Variants in RASA3 observed in about 807,000 individuals in gnomAD.
RASA3 encodes the protein RAS p21 protein activator 3, also known as ras GTPase-activating protein 3.
RASA3 carries 73 observed loss-of-function variants against 110.0 expected under a neutral mutation model. The observed-to-expected ratio is 0.66, with a 90% CI of 0.55 to 0.81. The LOEUF is 0.81. Among genes scored for constraint, RASA3 ranks in the 30% least tolerant of loss-of-function variants. The pLI is 0.00. For missense variants in RASA3, 976 were observed against 1,113.2 expected, an observed-to-expected ratio of 0.88 and a Z score of 1.75; for synonymous variants, 500 against 451.4, an observed-to-expected ratio of 1.11 and a Z score of -1.37.
At chr13:114,012,726 C>T (rs2053665872) in intron 15 of RASA3, among the ~76,000 whole-genome samples, 2 of 142,174 alleles carry the variant, frequency 1.4e-5, no homozygotes, top group South Asian at 2.3e-4. Context: ...CCCCATTCCA[C>T]ACACACTCCC....
chr13:114,066,390 A>G (rs984387206), intron 2 of RASA3, among the ~76,000 whole-genome samples: 36 of 152,294 alleles, frequency 2.4e-4, no homozygotes, highest in African/African-American at 8.4e-4. Context: ...AGAGAGGGCC[A>G]GCGGCCGAGG....
At chr13:114,113,048 C>G (rs1372787490) in intron 1 of RASA3, among the ~76,000 whole-genome samples, 1 of 152,162 alleles carries the variant, frequency 6.6e-6, no homozygotes, top group African/African-American at 2.4e-5. Flanking sequence ...GCACGGGAAG[C>G]CTTTCCCGAC....
intron 20 of RASA3, among the ~76,000 whole-genome samples, chr13:113,999,039 GTGTGACTGGGGAACGAGGCGA>G (rs1242616724): frequency 5.2e-5 from 2 of 38,538 alleles, no homozygotes; most frequent in East Asian, 1.2e-3. Context: ...GAAGGAACAA[GTGTGACTGGGGAACGAGGCGA>G]CATGTGGGTC....
At chr13:113,981,526 G>A (rs2052933390) in intron 23 of RASA3, 149 bp downstream of exon 23, 5 of 865,864 alleles carry the variant, frequency 5.8e-6, no homozygotes, top group African/African-American at 1.7e-5. Flanking sequence ...CTACCGCCAG[G>A]TGCCAGCCCG....
At chr13:114,131,106 G>A (rs1445976643) in intron 1 of RASA3, among the ~76,000 whole-genome samples, 1 of 152,240 alleles carries the variant, frequency 6.6e-6, no homozygotes, top group Non-Finnish European at 1.5e-5. Context: ...TAGCTGCAGC[G>A]CTTCTGGGCC....
intron 1 of RASA3, among the ~76,000 whole-genome samples, chr13:114,126,426 C>T (rs1287123297): frequency 6.6e-6 from 1 of 152,196 alleles, no homozygotes; most frequent in Non-Finnish European, 1.5e-5. Flanking sequence ...CCTGAGACCT[C>T]ACTCTCTCTT....
At chr13:114,128,757 G>A (rs558643862) in intron 1 of RASA3, among the ~76,000 whole-genome samples, 10 of 152,358 alleles carry the variant, frequency 6.6e-5, no homozygotes, top group Admixed American at 6.5e-4. Flanking sequence ...CAGGCACTGA[G>A]CCCAGAGGAG....
In RASA3 at chr13:114,027,313, T is replaced by C. The variant is rs767222869; in HGVS notation, c.603+76A>G. 340 of 1,241,792 alleles carry C rather than the reference T, an allele frequency of 2.7e-4. 1 individual carries two copies. Among genetic ancestry groups the C allele is most frequent in the Non-Finnish European group, 3.8e-4 (327 of 852,690 alleles). 76.9% of individuals were successfully genotyped at this position (1,241,792 alleles called of 1,614,324 possible). A position where few individuals can be genotyped will look rare whatever the true frequency, so the allele number is the denominator to read the frequency against. On this transcript the variant is annotated intron_variant, in intron 7 of 23. Coordinates refer to ENST00000334062, the MANE Select transcript of RASA3 (RefSeq NM_007368.4). ...TTCCAGAGGGAAGAGACTGAGATCA[T>C]TCTGGATCCAGACTTTCTGCCAACG...
At chr13:114,069,456 TG>T (rs1315884757) in intron 2 of RASA3, among the ~76,000 whole-genome samples, 8 of 42,352 alleles carry the variant, frequency 1.9e-4, no homozygotes, top group South Asian at 1.2e-3. Context: ...CCGGGAGACT[TG>T]GGGGGCTGGG....
Position 114,057,910 on chromosome 13 carries a change from G to A in RASA3, c.174-5755C>T, listed in dbSNP as rs2079271963. On this transcript the variant is annotated intron_variant, in intron 2 of 23. Transcript: ENST00000334062. This position sits in a 1 kb window ranked among gnomAD's most constrained non-coding sequence, Gnocchi z 5.0. Reference sequence around the variant, plus strand: ...AGAGCTGCCATCCTAGCGCACACTGGGTAGATGCAGGTGTTTCCAATGTGC... The same window carrying A: ...AGAGCTGCCATCCTAGCGCACACTGAGTAGATGCAGGTGTTTCCAATGTGC... Among the ~76,000 whole-genome samples, 1 of 152,162 alleles carries A rather than the reference G, an allele frequency of 6.6e-6. No individual in the cohort carries two copies. The highest frequency in any genetic ancestry group is 1.5e-5 in the Non-Finnish European group (1 of 68,026).
chr13:114,035,509 A>G (rs117811840), intron 4 of RASA3: 5,517 of 152,422 alleles, frequency 0.036, 139 homozygotes, highest in Middle Eastern at 0.099. Context: ...TGCCCCCAAA[A>G]CAGAGTTAAT....
At chr13:114,106,924 A>G (rs1319925638) in intron 1 of RASA3, among the ~76,000 whole-genome samples, 1 of 152,266 alleles carries the variant, frequency 6.6e-6, no homozygotes, top group Non-Finnish European at 1.5e-5. Flanking sequence ...ATTACAAAGA[A>G]ATAGATATTC....
At position 114,115,761 on chromosome 13, in the gene RASA3, C is replaced by A. The variant is rs1308495759; in HGVS notation, c.55+16674G>T. ...ATTGCTTCTCAAGGGAAAAGCACAGCCTGGAATGATGAGGAGCCCCCACGC... is the reference window on the plus strand; with the variant it reads ...ATTGCTTCTCAAGGGAAAAGCACAGACTGGAATGATGAGGAGCCCCCACGC... On this transcript the variant is annotated intron_variant, in intron 1 of 23. Coordinates refer to ENST00000334062, the MANE Select transcript of RASA3 (RefSeq NM_007368.4). The surrounding 1 kb of genome is among the most constrained non-coding windows in gnomAD (Gnocchi z 5.0). Among the ~76,000 whole-genome samples, 2 of 152,208 alleles carry A rather than the reference C, an allele frequency of 1.3e-5. No homozygotes were observed. Among genetic ancestry groups the A allele is most frequent in the Admixed American group, 6.5e-5 (1 of 15,284 alleles).
At chr13:114,068,177 G>A (rs765615711) in intron 2 of RASA3, among the ~76,000 whole-genome samples, 1 of 152,230 alleles carries the variant, frequency 6.6e-6, no homozygotes, top group African/African-American at 2.4e-5. Flanking sequence ...AGATGGGCAT[G>A]CAAATGAACC....
chr13:114,028,808 G>GGT (rs2054087988), intron 5 of RASA3, among the ~76,000 whole-genome samples: 1 of 69,452 alleles, frequency 1.4e-5, no homozygotes. Flanking sequence ...GCGTCATCCT[G>GGT]GGGCCAGGAC....
chr13:114,119,362 A>G (rs2080334277), intron 1 of RASA3, among the ~76,000 whole-genome samples: 2 of 152,210 alleles, frequency 1.3e-5, no homozygotes, highest in Non-Finnish European at 2.9e-5. Context: ...CACTGATTCC[A>G]GACGGATGGG....
chr13:113,989,287 CCATCCACCCATTACTCACCCATCTGTT>C (rs1457163482), intron 22 of RASA3, among the ~76,000 whole-genome samples: 16 of 148,544 alleles, frequency 1.1e-4, no homozygotes, highest in Non-Finnish European at 1.3e-4. Context: ...ACCCATCCGT[CCATCCACCCATTACTCACCCATCTGTT>C]CATCCACCCA....
chr13:114,080,603 G>A (rs2079768280), intron 1 of RASA3, among the ~76,000 whole-genome samples: 1 of 151,500 alleles, frequency 6.6e-6, no homozygotes, highest in Non-Finnish European at 1.5e-5. Flanking sequence ...TATGGTGACG[G>A]GGTGGCAGGA....
chr13:114,027,409 C>T lies in RASA3; in HGVS notation c.583G>A (p.Asp195Asn), dbSNP rs774139025. Reference sequence around the variant, plus strand: ...CCAACCTCAAAATAAAACACTTCATCGAACTGGGGATTGTTGGTCTTCCTC... The same window carrying T: ...CCAACCTCAAAATAAAACACTTCATTGAACTGGGGATTGTTGGTCTTCCTC... ...VKRKTNNPQF[D>N]EVFYFEVTRP... Residue 195 changes from aspartate to asparagine, a missense_variant, in exon 7 of 24, where the codon GAT becomes AAT. This residue lies in a region of RASA3 where 732 missense variants were observed against 779.7 expected (regional missense o/e 0.94). Transcript: ENST00000334062. 6.2e-6 allele frequency: 10 copies of T among 1,612,754 alleles called. No homozygotes were observed. The East Asian group carries it at 8.9e-5, about 14-fold the overall frequency.
Sources: allele counts gnomAD v4.1 joint callset (sites outside exome capture counted in the v4.1 genomes callset), GRCh38; gene constraint gnomAD v4.1.1; regional missense constraint gnomAD v4.1.1; non-coding constraint Gnocchi (gnomAD v3.1); transcripts MANE v1.5; gene names NCBI Gene and HGNC (gene_info 2026-07-23, HGNC 2026-07-21).